Variants in LRP1B observed in about 807,000 individuals in gnomAD.
The protein encoded by LRP1B is LDL receptor related protein 1B, also known as low-density lipoprotein receptor-related protein 1B.
A neutral mutation model predicts 556.6 loss-of-function variants in LRP1B; 217 were observed. The observed-to-expected ratio is 0.39, with a 90% CI of 0.35 to 0.44. The LOEUF (loss-of-function observed/expected upper bound fraction) is 0.44, where lower values mean the gene tolerates loss of function less well. Ranked by LOEUF, LRP1B falls within the 20% of genes least tolerant of loss-of-function variation. The probability of loss-of-function intolerance (pLI) is 1.00; values close to 1 mark genes in which losing one functional copy is unlikely to be tolerated. For synonymous variants in LRP1B, 2,047 were observed against 1,865.8 expected (o/e 1.10, Z -2.50); for missense variants, 5,053 against 5,620.8 (o/e 0.90, Z 3.23).
intron 3 of LRP1B, among the ~76,000 whole-genome samples, chr2:141,391,927 G>A (rs996350635): frequency 6.6e-6 from 1 of 152,104 alleles, no homozygotes; most frequent in Non-Finnish European, 1.5e-5. Flanking sequence ...CCCCTATGAT[G>A]TACCCACTAC....
chr2:140,519,953 G>A (rs1402757884), intron 49 of LRP1B, among the ~76,000 whole-genome samples: 3 of 152,144 alleles, frequency 2.0e-5, no homozygotes, highest in East Asian at 1.9e-4. Flanking sequence ...TCATTAAAAA[G>A]TCAGGAAACA....
intron 7 of LRP1B, among the ~76,000 whole-genome samples, chr2:141,123,681 T>C (rs1701124707): frequency 6.6e-6 from 1 of 152,086 alleles, no homozygotes; most frequent in Non-Finnish European, 1.5e-5. Context: ...CAAAAATGGC[T>C]CATTAGCCAG....
At chr2:140,483,640 A>ATATATATATATATATT (rs1491228405) in intron 59 of LRP1B, among the ~76,000 whole-genome samples, 2 of 70,744 alleles carry the variant, frequency 2.8e-5, no homozygotes, top group African/African-American at 6.4e-5. Flanking sequence ...ATATATATAT[A>ATATATATATATATATT]TTTTTTTTTT....
At chr2:141,445,410 GTC>G (rs1445583380) in intron 3 of LRP1B, among the ~76,000 whole-genome samples, 3 of 152,098 alleles carry the variant, frequency 2.0e-5, no homozygotes, top group African/African-American at 7.2e-5. Flanking sequence ...GGTTTTTTGT[GTC>G]TCTATCTCCT....
intron 21 of LRP1B, among the ~76,000 whole-genome samples, chr2:140,915,536 C>G (rs1191754268): frequency 1.3e-5 from 2 of 151,792 alleles, no homozygotes; most frequent in Non-Finnish European, 2.9e-5. Context: ...TGCCTATAAT[C>G]CCAGCTACTC....
chr2:141,705,184 CT>C (rs769921923), intron 2 of LRP1B, among the ~76,000 whole-genome samples: 7 of 151,948 alleles, frequency 4.6e-5, no homozygotes, highest in Non-Finnish European at 8.8e-5. Context: ...TCTGGAACCA[CT>C]GTATTTATAC....
intron 20 of LRP1B, among the ~76,000 whole-genome samples, chr2:140,933,796 A>C (rs1695122385): frequency 1.3e-5 from 2 of 151,980 alleles, no homozygotes; most frequent in African/African-American, 4.8e-5. Flanking sequence ...TTATTTTTTA[A>C]ATTACAGTTA....
Position 140,357,827 on chromosome 2 carries a change from T to C in LRP1B, c.11395+152A>G, listed in dbSNP as rs559049860. 6.2e-6 allele frequency: 5 copies of C among 803,502 alleles called. No individual in the cohort carries two copies. The African/African-American group carries it at 8.6e-5, about 14-fold the overall frequency. 49.8% of individuals were successfully genotyped at this position (803,502 alleles called of 1,614,324 possible). A position where few individuals can be genotyped will look rare whatever the true frequency, so the allele number is the denominator to read the frequency against. On this transcript the variant is annotated intron_variant, in intron 74 of 90. Coordinates refer to ENST00000389484, the MANE Select transcript of LRP1B (RefSeq NM_018557.3). ...TCATACTTTCTGAAATTAAGTAATA[T>C]TCTAATGTTGCTTTGGCAAAGGTTT...
intron 73 of LRP1B, 101 bp downstream of exon 73, chr2:140,358,720 A>G: frequency 1.6e-6 from 2 of 1,228,388 alleles, no homozygotes; most frequent in Non-Finnish European, 2.3e-6. Flanking sequence ...TAATGCCCTC[A>G]GATGTCCACA....
At position 141,453,707 on chromosome 2, in the gene LRP1B, C is replaced by T. The variant is rs182479133; in HGVS notation, c.343+26689G>A. Among the ~76,000 whole-genome samples the T allele has an allele frequency of 1.3e-3, 202 of 152,196 alleles. 2 individuals are homozygous for T. Among genetic ancestry groups the T allele is most frequent in the Non-Finnish European group, 2.7e-3 (181 of 68,016 alleles). ...CCGAGGCAGGTGGATGTCCTGAGGT[C>T]GGGAGTTTGAGACCAGCCTGGCCAA... is the stretch of plus-strand genomic sequence containing the variant. On this transcript the variant is annotated intron_variant, in intron 3 of 90. Coordinates refer to ENST00000389484, the MANE Select transcript of LRP1B (RefSeq NM_018557.3).
chr2:140,859,111 G>A (rs1347325268), intron 27 of LRP1B, among the ~76,000 whole-genome samples: 2 of 151,962 alleles, frequency 1.3e-5, no homozygotes, highest in African/African-American at 4.8e-5. Context: ...TCAGCCATCG[G>A]GACTGGCCTA....
chr2:142,039,991 C>T (rs997200816), intron 1 of LRP1B, among the ~76,000 whole-genome samples: 10 of 151,506 alleles, frequency 6.6e-5, no homozygotes, highest in Middle Eastern at 3.4e-3. Context: ...TACCATAGTT[C>T]CTCCTTTCAG....
intron 8 of LRP1B, among the ~76,000 whole-genome samples, chr2:141,061,755 T>A (rs1365222302): frequency 6.6e-6 from 1 of 151,838 alleles, no homozygotes; most frequent in Non-Finnish European, 1.5e-5. Flanking sequence ...ATCTGACCTA[T>A]TTTAATACTT....
intron 41 of LRP1B, among the ~76,000 whole-genome samples, chr2:140,681,917 T>C (rs990230745): frequency 1.3e-5 from 2 of 152,156 alleles, no homozygotes; most frequent in African/African-American, 4.8e-5. Flanking sequence ...ATGAGATTCA[T>C]GTGCTATGCC....
intron 41 of LRP1B, among the ~76,000 whole-genome samples, chr2:140,680,931 T>G (rs1574234037): frequency 6.6e-6 from 1 of 152,338 alleles, no homozygotes; most frequent in East Asian, 1.9e-4. Flanking sequence ...TCATGCAAAT[T>G]ATGCTATTGA....
At chr2:140,860,140 G>A (rs1692746527) in intron 27 of LRP1B, among the ~76,000 whole-genome samples, 1 of 152,148 alleles carries the variant, frequency 6.6e-6, no homozygotes, top group African/African-American at 2.4e-5. Flanking sequence ...CAGAGTCCAG[G>A]TTTTAACTAC....
intron 35 of LRP1B, among the ~76,000 whole-genome samples, chr2:140,755,148 T>C (rs983053322): frequency 6.6e-6 from 1 of 152,058 alleles, no homozygotes; most frequent in Non-Finnish European, 1.5e-5. Context: ...AACAGATCTA[T>C]AACAATTAAA....
chr2:140,806,960 C>G (rs996367141), intron 32 of LRP1B, among the ~76,000 whole-genome samples: 1 of 152,180 alleles, frequency 6.6e-6, no homozygotes, highest in African/African-American at 2.4e-5. Flanking sequence ...TATATGCAGT[C>G]TGCTCTCAAA....
chr2:140,491,587 A>G (rs1290336391), intron 57 of LRP1B, among the ~76,000 whole-genome samples: 1 of 152,100 alleles, frequency 6.6e-6, no homozygotes, highest in Non-Finnish European at 1.5e-5. Flanking sequence ...AAATACAGAA[A>G]AAAATATATT....
Sources: allele counts gnomAD v4.1 joint callset (sites outside exome capture counted in the v4.1 genomes callset), GRCh38; gene constraint gnomAD v4.1.1; transcripts MANE v1.5; gene names NCBI Gene and HGNC (gene_info 2026-07-23, HGNC 2026-07-21).